Variants in BLK observed in about 807,000 individuals in gnomAD.
BLK encodes the protein tyrosine-protein kinase Blk.
In BLK, 64 loss-of-function variants were observed where a neutral mutation model predicts 61.8. The ratio of observed to expected loss-of-function variants is 1.03; its 90% confidence interval spans 0.85 to 1.27. The LOEUF (loss-of-function observed/expected upper bound fraction) is 1.27. BLK is among the 50% of genes most tolerant of loss of function. The pLI is 0.00. For missense variants in BLK, 853 were observed against 660.5 expected, an observed-to-expected ratio of 1.29 and a Z score of -3.19; for synonymous variants, 351 against 272.0, an observed-to-expected ratio of 1.29 and a Z score of -2.86.
intron 1 of BLK, among the ~76,000 whole-genome samples, chr8:11,510,341 C>T (rs928137914): frequency 6.6e-6 from 1 of 152,044 alleles, no homozygotes; most frequent in African/African-American, 2.4e-5. Context: ...TGGTCTTTGG[C>T]CAGAGAGCAG....
At chr8:11,553,965 G>A (rs893342151) in intron 6 of BLK, among the ~76,000 whole-genome samples, 7 of 152,098 alleles carry the variant, frequency 4.6e-5, no homozygotes, top group African/African-American at 1.7e-4. Flanking sequence ...AGGTAGGCGC[G>A]GACTCGGGGA....
In BLK at chr8:11,507,842, C is replaced by G. The variant is rs954155880; in HGVS notation, c.-2+13251C>G. Among the ~76,000 whole-genome samples, 4 of 152,150 alleles carry G rather than the reference C, an allele frequency of 2.6e-5. No homozygotes were observed. In the East Asian group the frequency reaches 7.7e-4, roughly 29 times the overall value. On this transcript the variant is annotated intron_variant, in intron 1 of 12. Transcript: ENST00000259089. ...CCCCATGGCAAGCTAGTTTTCTCCC[C>G]GAGCCAGCATTTCTACACGTGAGCA...
chr8:11,525,200 C>G (rs567941658), intron 1 of BLK, among the ~76,000 whole-genome samples: 22 of 152,282 alleles, frequency 1.4e-4, no homozygotes, highest in Non-Finnish European at 2.4e-4. Context: ...GACGTATTTG[C>G]TTTAAGTAAT....
At chr8:11,553,836 G>C (rs1022619529) in intron 6 of BLK, among the ~76,000 whole-genome samples, 3 of 152,184 alleles carry the variant, frequency 2.0e-5, no homozygotes, top group Non-Finnish European at 4.4e-5. Flanking sequence ...GGTTGAGGCA[G>C]GGGAACTGAC....
intron 1 of BLK, among the ~76,000 whole-genome samples, chr8:11,515,979 C>T (rs1255364913): frequency 6.6e-6 from 1 of 152,164 alleles, no homozygotes; most frequent in African/African-American, 2.4e-5. Flanking sequence ...TGTGCACTCG[C>T]GTGCCTGGGA....
intron 1 of BLK, among the ~76,000 whole-genome samples, chr8:11,507,008 G>A (rs757364064): frequency 3.9e-5 from 6 of 152,218 alleles, no homozygotes; most frequent in Non-Finnish European, 8.8e-5. Context: ...GTTCAGGTGC[G>A]GGTAGGGAAA....
intron 6 of BLK, chr8:11,552,394 T>C (rs1366727065): frequency 6.6e-6 from 1 of 152,220 alleles, no homozygotes; most frequent in Non-Finnish European, 1.5e-5. Context: ...CACATAGATA[T>C]ATGCATTTTA....
At chr8:11,524,978 G>A (rs1022656486) in intron 1 of BLK, among the ~76,000 whole-genome samples, 1 of 150,382 alleles carries the variant, frequency 6.6e-6, no homozygotes, top group African/African-American at 2.4e-5. Flanking sequence ...GGCTGTCTCT[G>A]GATGATGGCA....
chr8:11,550,150 G>T lies in BLK; in HGVS notation c.369-9G>T, dbSNP rs370810777. 6.2e-6 allele frequency: 10 copies of T among 1,613,610 alleles called. No individual in the cohort carries two copies. The South Asian group carries it at 9.9e-5, about 16-fold the overall frequency. On this transcript the variant is annotated splice_polypyrimidine_tract_variant and intron_variant, in intron 5 of 12. Coordinates refer to ENST00000259089, the MANE Select transcript of BLK (RefSeq NM_001715.3). ...GCTCTGAGTTTCACCTGTTCCTGCC[G>T]TTTTCCAGGTGGTTCTTTAGATCAC... is the stretch of plus-strand genomic sequence containing the variant.
chr8:11,512,352 A>T (rs979106357), intron 1 of BLK, among the ~76,000 whole-genome samples: 1 of 152,196 alleles, frequency 6.6e-6, no homozygotes, highest in South Asian at 2.1e-4. Flanking sequence ...TCTAGCCAAT[A>T]TCATTATAAG....
chr8:11,537,710 A>T (rs993897724), intron 1 of BLK, among the ~76,000 whole-genome samples: 1 of 152,188 alleles, frequency 6.6e-6, no homozygotes, highest in African/African-American at 2.4e-5. Context: ...AACTGTAACC[A>T]ATTTATCAAG....
At chr8:11,498,475 G>T (rs1429717697) in intron 1 of BLK, among the ~76,000 whole-genome samples, 3 of 152,234 alleles carry the variant, frequency 2.0e-5, no homozygotes, top group Admixed American at 6.5e-5. Flanking sequence ...GAATCACACA[G>T]TCAAATATCT....
intron 9 of BLK, among the ~76,000 whole-genome samples, chr8:11,557,271 T>C (rs1801281215): frequency 6.6e-6 from 1 of 152,198 alleles, no homozygotes; most frequent in Admixed American, 6.5e-5. Flanking sequence ...TTGGGCTTGA[T>C]GGCCTCTGAG....
At chr8:11,516,908 T>A (rs1799252043) in intron 1 of BLK, among the ~76,000 whole-genome samples, 1 of 152,224 alleles carries the variant, frequency 6.6e-6, no homozygotes, top group Non-Finnish European at 1.5e-5. Context: ...CCTGCTCAAG[T>A]CCCTGCTTTC....
chr8:11,515,362 G>T (rs1799183127), intron 1 of BLK, among the ~76,000 whole-genome samples: 1 of 152,168 alleles, frequency 6.6e-6, no homozygotes, highest in African/African-American at 2.4e-5. Context: ...CTCCTGGGAT[G>T]CTTTGAGGAT....
intron 5 of BLK, 106 bp from the exon 6 acceptor site, chr8:11,550,053 C>A: frequency 1.9e-6 from 2 of 1,046,756 alleles, no homozygotes; most frequent in Non-Finnish European, 2.9e-6. Context: ...ACCAGAAATG[C>A]TAGATTTTTA....
intron 1 of BLK, among the ~76,000 whole-genome samples, chr8:11,504,380 A>T: frequency 1.7e-5 from 1 of 59,200 alleles, no homozygotes; most frequent in Admixed American, 1.4e-4. Flanking sequence ...AGAAAAGAAA[A>T]GAAAAGAAAA....
chr8:11,514,699 G>A (rs577322000), intron 1 of BLK, among the ~76,000 whole-genome samples: 1 of 152,316 alleles, frequency 6.6e-6, no homozygotes, highest in African/African-American at 2.4e-5. Context: ...ATCCTGGCAA[G>A]TTGCTGGTGG....
chr8:11,559,725 G>A, intron 10 of BLK: 1 of 455,858 alleles, frequency 2.2e-6, no homozygotes, highest in South Asian at 1.6e-5. Flanking sequence ...CGGTTCCCAT[G>A]CCCCATGCCT....
Sources: allele counts gnomAD v4.1 joint callset (sites outside exome capture counted in the v4.1 genomes callset), GRCh38; gene constraint gnomAD v4.1.1; transcripts MANE v1.5; gene names NCBI Gene and HGNC (gene_info 2026-07-23, HGNC 2026-07-21).